Variants in DEF8 observed in about 807,000 individuals in gnomAD.
DEF8 encodes DEF-8.
A neutral mutation model predicts 59.1 loss-of-function variants in DEF8; 38 were observed. The ratio of observed to expected loss-of-function variants is 0.64; its 90% CI spans 0.50 to 0.84. The LOEUF is 0.84. Among genes scored for constraint, DEF8 ranks in the 40% least tolerant of loss-of-function variants. The pLI is 0.00. For synonymous variants in DEF8, 265 were observed against 250.1 expected, an observed-to-expected ratio of 1.06 and a Z score of -0.56; for missense variants, 557 against 615.2, an observed-to-expected ratio of 0.91 and a Z score of 1.00.
intron 7 of DEF8, among the ~76,000 whole-genome samples, 166 bp downstream of exon 7, chr16:89,961,261 AT>A (rs1175379256): frequency 6.6e-6 from 1 of 152,086 alleles, no homozygotes; most frequent in Non-Finnish European, 1.5e-5. Context: ...CCATTGTTTC[AT>A]TTCTCACTGA....
At chr16:89,964,667 G>C (rs2034452602) in intron 12 of DEF8, 92 bp downstream of exon 12, 2 of 936,828 alleles carry the variant, frequency 2.1e-6, no homozygotes, top group Non-Finnish European at 3.3e-6. Flanking sequence ...ATGATGCCGT[G>C]GGAGCTGGCA....
intron 4 of DEF8, 67 bp from the exon 5 acceptor site, chr16:89,957,444 G>A (rs945037883): frequency 6.7e-6 from 10 of 1,499,592 alleles, no homozygotes; most frequent in East Asian, 2.5e-5. Context: ...CTGTCTCGGC[G>A]GATGGGCCTT....
rs2032992952 is a variant in DEF8 at position 89,955,407 on chromosome 16, C to T, written c.222+141C>T. The T allele has an allele frequency of 1.5e-5, 10 of 677,082 alleles. No individual in the cohort carries two copies. In the Admixed American group the frequency reaches 1.5e-4, roughly 10 times the overall value. 41.9% of individuals were successfully genotyped at this position (677,082 alleles called of 1,614,324 possible). Reference sequence around the variant, plus strand: ...TACAGTCTCACTCCATTGTCAGGCTCAGCAGCCCCCACCTCAGCCAGGGCT... The same window carrying T: ...TACAGTCTCACTCCATTGTCAGGCTTAGCAGCCCCCACCTCAGCCAGGGCT... On this transcript the variant is annotated intron_variant, in intron 4 of 12. Transcript: ENST00000563594.
chr16:89,958,399 G>T (rs1469727245), intron 5 of DEF8: 1 of 154,624 alleles, frequency 6.5e-6, no homozygotes, highest in Admixed American at 6.3e-5. Context: ...AAAAGAAGGT[G>T]GTGGGTCCCA....
At chr16:89,962,489 C>T (rs1340396357) in intron 9 of DEF8, among the ~76,000 whole-genome samples, 1 of 152,156 alleles carries the variant, frequency 6.6e-6, no homozygotes, top group Non-Finnish European at 1.5e-5. Flanking sequence ...GAAACCCCAT[C>T]TCTACTAAAA....
chr16:89,961,857 C>G lies in DEF8; in HGVS notation c.800C>G (p.Pro267Arg). Residue 267 changes from proline (P) to arginine (R), a missense_variant, in exon 8 of 13, where the codon CCT (proline) becomes CGT (arginine). Physicochemically the swap from Pro to Arg is moderately radical, Grantham distance 103. Transcript: ENST00000563594. ...GTTGTACACAACTGGGACTTTGAGC[C>G]TCGAAAGGTGGGGGTTGGAAGGTGG... is the stretch of plus-strand genomic sequence containing the variant. ...ARVVHNWDFE[P>R]RKVSRCSMRY... The G allele has an allele frequency of 6.2e-7, 1 of 1,600,650 alleles. No individual in the cohort carries two copies. Among genetic ancestry groups the G allele is most frequent in the Non-Finnish European group, 8.5e-7 (1 of 1,171,590 alleles).
In DEF8 at chr16:89,955,176, G is replaced by T; in HGVS notation, c.132G>T (p.Leu44=). The change falls in exon 4 of 13, where the codon CTG becomes CTT. Residue 44 remains leucine, a synonymous_variant. Coordinates refer to ENST00000563594, the MANE Select transcript of DEF8 (RefSeq NM_001242818.2). ...EVPDVTPEEA[L]PELPPGEPEF... The stretch of plus-strand genomic sequence containing the variant: ...GTCCCCGTCTTCCTCCAGAGGCCCT[G>T]CCTGAGCTGCCCCCTGGGGAGCCGG... 6.2e-7 allele frequency: 1 copy of T among 1,613,098 alleles called. No individual in the cohort carries two copies. Among genetic ancestry groups the T allele is most frequent in the Non-Finnish European group, 8.5e-7 (1 of 1,179,742 alleles).
In DEF8 at chr16:89,967,686, TG is replaced by T; in HGVS notation, c.*1724del. ...CCAAAGTCTGCACACGTCTCATGAA[TG>T]CATCACATTTCTGTCATATGGATAT... On this transcript the variant is annotated 3_prime_UTR_variant, in exon 13 of 13. Transcript: ENST00000563594. 2.5e-6 allele frequency: 1 copy of T among 392,808 alleles called. No individual in the cohort carries two copies. The highest frequency in any genetic ancestry group is 4.5e-6 in the Non-Finnish European group (1 of 222,914). The allele number at this position is 392,808 out of a possible 1,614,324, so 24.3% of individuals were successfully genotyped here.
intron 6 of DEF8, among the ~76,000 whole-genome samples, chr16:89,959,671 T>A (rs2033763682): frequency 6.6e-6 from 1 of 150,430 alleles, no homozygotes; most frequent in Admixed American, 6.6e-5. Flanking sequence ...ATTTTTTGTA[T>A]TTTTTTTAGT....
chr16:89,964,370 G>T, intron 11 of DEF8, 60 bp downstream of exon 11: 1 of 1,542,328 alleles, frequency 6.5e-7, no homozygotes, highest in East Asian at 2.4e-5. Flanking sequence ...GGATTGGCAG[G>T]AGAAGCAGCC....
At chr16:89,964,137 G>A in intron 10 of DEF8, 33 bp from the exon 11 acceptor site, 1 of 1,613,956 alleles carries the variant, frequency 6.2e-7, no homozygotes, top group Non-Finnish European at 8.5e-7. Context: ...GCCCTCCCCG[G>A]TGCAGGGCGT....
chr16:89,950,936 G>A (rs889542381), intron 2 of DEF8, among the ~76,000 whole-genome samples: 8 of 152,106 alleles, frequency 5.3e-5, no homozygotes, highest in African/African-American at 1.9e-4. Context: ...AGCTGTGATC[G>A]CACCACTGCA....
At chr16:89,962,213 C>A in intron 9 of DEF8, 88 bp downstream of exon 9, 1 of 1,216,448 alleles carries the variant, frequency 8.2e-7, no homozygotes, top group Non-Finnish European at 1.2e-6. Flanking sequence ...TCCTCTGGGC[C>A]ACGGGAGGTT....
At position 89,959,213 on chromosome 16, in the gene DEF8, G is replaced by A. The variant is rs148334804; in HGVS notation, c.514+58G>A. On this transcript the variant is annotated intron_variant, in intron 6 of 12. Coordinates refer to ENST00000563594, the MANE Select transcript of DEF8 (RefSeq NM_001242818.2). ...GAGAGAGACCAAAGTTCCTGCCTCC[G>A]CTGGGCTCACATTCAGATGTGAGCT... The A allele has an allele frequency of 6.1e-4, 980 of 1,609,046 alleles. 8 individuals are homozygous for A. The African/African-American group carries it at 0.012, about 19-fold the overall frequency.
chr16:89,955,138 A>G (rs760576909), intron 3 of DEF8, 31 bp from the exon 4 acceptor site: 1 of 1,563,514 alleles, frequency 6.4e-7, no homozygotes, highest in Non-Finnish European at 8.8e-7. Context: ...GTAGCAGCTG[A>G]CGCTCCACAC....
At chr16:89,949,106 A>ACGGGGTCGGCGG (rs2031419550) in intron 1 of DEF8, among the ~76,000 whole-genome samples, 2 of 7,922 alleles carry the variant, frequency 2.5e-4, no homozygotes, top group Non-Finnish European at 5.5e-4. Flanking sequence ...GGGGCCGGCG[A>ACGGGGTCGGCGG]GGTCGGGGCC....
At position 89,965,968 on chromosome 16, in the gene DEF8, G is replaced by C; in HGVS notation, c.*5G>C. On this transcript the variant is annotated 3_prime_UTR_variant, in exon 13 of 13. Coordinates refer to ENST00000563594, the MANE Select transcript of DEF8 (RefSeq NM_001242818.2). The stretch of plus-strand genomic sequence containing the variant: ...GGTCCCGATGTGGAGGCCTAGCGCC[G>C]AGGAACAGTGCTGGGCACCCCGCCT... 1 of 1,607,758 alleles carries C rather than the reference G, an allele frequency of 6.2e-7. No individual in the cohort carries two copies. Among genetic ancestry groups the C allele is most frequent in the Non-Finnish European group, 8.5e-7 (1 of 1,175,888 alleles).
At chr16:89,958,321 G>A (rs1315711461) in intron 5 of DEF8, 1 of 154,108 alleles carries the variant, frequency 6.5e-6, no homozygotes, top group Non-Finnish European at 1.4e-5. Context: ...GCAAGCGGGT[G>A]GGCTAAGTAA....
rs1187106737 is a variant in DEF8 at position 89,950,442 on chromosome 16, GC to G, written c.-11+930del. ...TTTGCTGTGTTGCCTAGGCTGGAGT[GC>G]AGTGGCACAATCTCGGCTCACTGCA... On this transcript the variant is annotated intron_variant, in intron 2 of 12. Coordinates refer to ENST00000563594, the MANE Select transcript of DEF8 (RefSeq NM_001242818.2). 1.9e-5 allele frequency: 13 copies of G among 678,574 alleles called. 1 individual carries two copies. The Admixed American group carries it at 7.0e-4, about 36-fold the overall frequency. 42.0% of individuals were successfully genotyped at this position (678,574 alleles called of 1,614,324 possible).
Sources: allele counts gnomAD v4.1 joint callset (sites outside exome capture counted in the v4.1 genomes callset), GRCh38; gene constraint gnomAD v4.1.1; transcripts MANE v1.5; gene names NCBI Gene and HGNC (gene_info 2026-07-23, HGNC 2026-07-21).